Variants in LYST observed in about 807,000 individuals in gnomAD.
LYST encodes the protein lysosomal trafficking regulator, also known as lysosomal-trafficking regulator.
LYST carries 192 observed loss-of-function variants against 413.6 expected under a neutral mutation model. The ratio of observed to expected loss-of-function variants is 0.46; its 90% confidence interval spans 0.41 to 0.52. LYST has a LOEUF of 0.52. Ranked by LOEUF, LYST falls within the 20% of genes least tolerant of loss-of-function variation. The pLI is 0.00. For missense variants in LYST, 3,815 were observed against 4,499.9 expected, an observed-to-expected ratio of 0.85 and a Z score of 4.35; for synonymous variants, 1,525 against 1,567.3, an observed-to-expected ratio of 0.97 and a Z score of 0.64.
chr1:235,662,745 CA>C lies in LYST; in HGVS notation c.*194del. On this transcript the variant is annotated 3_prime_UTR_variant, in exon 53 of 53. Coordinates refer to ENST00000389793, the MANE Select transcript of LYST (RefSeq NM_000081.4). The stretch of plus-strand genomic sequence containing the variant: ...ATATTGACACAATCTTCCAGATTAT[CA>C]CTAAAATAGAACAGAACTTTCCTCT... 1.5e-6 allele frequency: 1 copy of C among 660,004 alleles called. No individual in the cohort carries two copies. The highest frequency in any genetic ancestry group is 2.8e-6 in the Non-Finnish European group (1 of 361,962). The allele number at this position is 660,004 out of a possible 1,614,324, so 40.9% of individuals were successfully genotyped here.
At chr1:235,817,267 C>T (rs990289373) in intron 3 of LYST, among the ~76,000 whole-genome samples, 1 of 151,886 alleles carries the variant, frequency 6.6e-6, no homozygotes, top group Admixed American at 6.6e-5. Flanking sequence ...ACTTATACAA[C>T]GCTGGTGGGA....
intron 1 of LYST, among the ~76,000 whole-genome samples, chr1:235,857,742 TACACACAC>T (rs56208034): frequency 0.021 from 2,716 of 129,302 alleles, 61 homozygotes; most frequent in East Asian, 0.086. Flanking sequence ...CATATGTAAA[TACACACAC>T]ACACACACAC....
At chr1:235,793,971 T>A (rs1671300845) in intron 10 of LYST, among the ~76,000 whole-genome samples, 3 of 152,158 alleles carry the variant, frequency 2.0e-5, no homozygotes, top group African/African-American at 7.2e-5. Context: ...GAGCTGGGAC[T>A]ACAGGCACGT....
intron 31 of LYST, chr1:235,738,271 T>C: frequency 6.2e-7 from 1 of 1,611,466 alleles, no homozygotes. Flanking sequence ...AACTCCAAGC[T>C]GGTCACTATC....
intron 48 of LYST, among the ~76,000 whole-genome samples, chr1:235,685,829 G>A (rs935116056): frequency 6.7e-6 from 1 of 149,848 alleles, no homozygotes; most frequent in Admixed American, 6.7e-5. Flanking sequence ...CTGGGCGACA[G>A]AGTGAGACTC....
chr1:235,733,772 A>G (rs1048501145), intron 33 of LYST, 58 bp downstream of exon 33: 67 of 1,494,328 alleles, frequency 4.5e-5, no homozygotes, highest in Non-Finnish European at 6.1e-5. Context: ...AACTAAAAGT[A>G]TATGTGAAAT....
At chr1:235,879,712 G>A (rs1681291113) in intron 1 of LYST, among the ~76,000 whole-genome samples, 1 of 151,422 alleles carries the variant, frequency 6.6e-6, no homozygotes, top group African/African-American at 2.4e-5. Flanking sequence ...AAAGCTCTGA[G>A]AATGGATCTA....
chr1:235,880,118 C>T (rs928771801), intron 1 of LYST, among the ~76,000 whole-genome samples: 10 of 152,210 alleles, frequency 6.6e-5, no homozygotes, highest in African/African-American at 2.2e-4. Context: ...ATGCATAGCA[C>T]TGTACCTTTT....
intron 44 of LYST, among the ~76,000 whole-genome samples, chr1:235,708,269 T>G (rs1009077611): frequency 1.3e-5 from 2 of 152,204 alleles, no homozygotes; most frequent in Non-Finnish European, 2.9e-5. Flanking sequence ...TTTCTCCCTG[T>G]TGCTAGTCTG....
At chr1:235,813,898 C>T (rs1673756873) in intron 3 of LYST, among the ~76,000 whole-genome samples, 2 of 152,096 alleles carry the variant, frequency 1.3e-5, no homozygotes, top group South Asian at 4.1e-4. Context: ...GAGGGGGTCG[C>T]ATGATGACAC....
At chr1:235,822,199 T>TG (rs1674820460) in intron 3 of LYST, among the ~76,000 whole-genome samples, 1 of 152,144 alleles carries the variant, frequency 6.6e-6, no homozygotes, top group Non-Finnish European at 1.5e-5. Flanking sequence ...AAGCTGTATA[T>TG]TATGGGCTAA....
chr1:235,820,551 T>C (rs948471792), intron 3 of LYST, among the ~76,000 whole-genome samples: 2 of 151,958 alleles, frequency 1.3e-5, no homozygotes, highest in Non-Finnish European at 2.9e-5. Context: ...TGTATTTTTT[T>C]GTAGAGATGG....
rs1408248916 is a variant in LYST, at chr1:235,793,669, G to C, written c.4007-57C>G. On this transcript the variant is annotated intron_variant, in intron 10 of 52. Coordinates refer to ENST00000389793, the MANE Select transcript of LYST (RefSeq NM_000081.4). ...CTAGTACACAATTAGAGGAATAAAT[G>C]AGCAATTTCACCAAAAGAGGTAAAA... The C allele has an allele frequency of 4.5e-6, 4 of 893,272 alleles. No homozygotes were observed. The South Asian group carries it at 5.7e-5, about 13-fold the overall frequency. 55.3% of individuals were successfully genotyped at this position (893,272 alleles called of 1,614,324 possible). A position where few individuals can be genotyped will look rare whatever the true frequency, so the allele number is the denominator to read the frequency against.
upstream of LYST, among the ~76,000 whole-genome samples, chr1:235,867,238 G>T (rs780845039): frequency 3.9e-5 from 6 of 152,224 alleles, no homozygotes; most frequent in East Asian, 1.2e-3. Flanking sequence ...AGTGGGCTGC[G>T]TCAGACCCTG....
At chr1:235,771,598 CT>C (rs559842159) in intron 19 of LYST, among the ~76,000 whole-genome samples, 7 of 138,746 alleles carry the variant, frequency 5.0e-5, no homozygotes, top group Admixed American at 7.1e-5. Context: ...TCTATCTTAT[CT>C]TTTTTTTTTA....
At chr1:235,755,050 C>T (rs1666874435) in intron 25 of LYST, among the ~76,000 whole-genome samples, 1 of 132,734 alleles carries the variant, frequency 7.5e-6, no homozygotes, top group South Asian at 2.4e-4. Context: ...CTCTGCACTC[C>T]AGCCTGGGTG....
At chr1:235,819,012 A>C (rs945313416) in intron 3 of LYST, among the ~76,000 whole-genome samples, 4 of 152,218 alleles carry the variant, frequency 2.6e-5, no homozygotes, top group African/African-American at 9.6e-5. Context: ...AAGGAAGAAC[A>C]TTCCTGTTGC....
intron 28 of LYST, among the ~76,000 whole-genome samples, chr1:235,746,796 G>T (rs1251421465): frequency 6.6e-6 from 1 of 152,152 alleles, no homozygotes; most frequent in Non-Finnish European, 1.5e-5. Flanking sequence ...GGCAAAGTTC[G>T]AGTTAAAAAG....
At chr1:235,764,593 G>A (rs536797634) in intron 21 of LYST, among the ~76,000 whole-genome samples, 22 of 142,764 alleles carry the variant, frequency 1.5e-4, no homozygotes, top group South Asian at 4.4e-4. Flanking sequence ...ACCGCTTCCC[G>A]GGTTCAAGCC....
Sources: allele counts gnomAD v4.1 joint callset (sites outside exome capture counted in the v4.1 genomes callset), GRCh38; gene constraint gnomAD v4.1.1; transcripts MANE v1.5; gene names NCBI Gene and HGNC (gene_info 2026-07-23, HGNC 2026-07-21).